The following NENF variants were observed in gnomAD, a reference collection of about 807,000 sequenced individuals.
NENF encodes neudesin.
NENF carries 6 observed loss-of-function variants against 14.8 expected under a neutral mutation model. The observed-to-expected ratio is 0.40, with a 90% CI of 0.22 to 0.80. The LOEUF (loss-of-function observed/expected upper bound fraction) is 0.80, where lower values mean the gene tolerates loss of function less well. Ranked by LOEUF, NENF falls within the 30% of genes least tolerant of loss-of-function variation. The pLI, the probability that NENF is intolerant of heterozygous loss-of-function variation, is 0.34. For missense variants in NENF, 184 were observed against 212.7 expected, an observed-to-expected ratio of 0.87 and a Z score of 0.84; for synonymous variants, 76 against 95.1, an observed-to-expected ratio of 0.80 and a Z score of 1.17.
At chr1:212,434,083 T>G (rs1307965335) in intron 1 of NENF, among the ~76,000 whole-genome samples, 1 of 152,112 alleles carries the variant, frequency 6.6e-6, no homozygotes, top group Non-Finnish European at 1.5e-5. Flanking sequence ...TAGGATTGCA[T>G]GGGGGTATCA....
Position 212,444,426 on chromosome 1 carries a change from A to G in NENF, c.326A>G (p.Asp109Gly), listed in dbSNP as rs768336390. The G allele has an allele frequency of 2.2e-5, 36 of 1,605,564 alleles. No homozygotes were observed. The South Asian group carries it at 3.8e-4, about 17-fold the overall frequency. Residue 109 changes from aspartate (D) to glycine (G), a missense_variant, in exon 3 of 4, where the codon GAC (aspartate) becomes GGC (glycine). Asp to Gly is a moderately conservative substitution (Grantham distance 94). Transcript: ENST00000366988. ...GCCAAGATGTCCTTGGATCCTGCAG[A>G]CCTCACCCATGACACTGTGAGCCAG... Reference protein sequence around the residue: ...GVAKMSLDPADLTHDTTGLTA... With the variant: ...GVAKMSLDPAGLTHDTTGLTA...
chr1:212,438,646 G>T (rs552411252), intron 1 of NENF, among the ~76,000 whole-genome samples: 10 of 142,760 alleles, frequency 7.0e-5, no homozygotes, highest in Admixed American at 7.3e-5. Context: ...TGGAGACAGA[G>T]TCTTGCTCTG....
rs1662546056 is a variant in NENF at position 212,433,126 on chromosome 1, C to A, written c.177+6C>A. 1.7e-6 allele frequency: 2 copies of A among 1,184,850 alleles called. No individual in the cohort carries two copies. Among genetic ancestry groups the A allele is most frequent in the Admixed American group, 4.5e-5 (1 of 22,034 alleles). The allele number at this position is 1,184,850 out of a possible 1,614,324, so 73.4% of individuals were successfully genotyped here. A position where few individuals can be genotyped will look rare whatever the true frequency, so the allele number is the denominator to read the frequency against. ...CCCGCTATGGCGGGGAGGAGGTAGG[C>A]GGGGGTGTCGCGGGCCGAGGGACCC... On this transcript the variant is annotated splice_donor_region_variant and intron_variant, in intron 1 of 3. Transcript: ENST00000366988. The surrounding 1 kb of genome is among the most constrained non-coding windows in gnomAD (Gnocchi z 5.5).
At chr1:212,443,754 G>A (rs1359338444) in intron 2 of NENF, among the ~76,000 whole-genome samples, 1 of 152,016 alleles carries the variant, frequency 6.6e-6, no homozygotes, top group Non-Finnish European at 1.5e-5. Flanking sequence ...AAAACAGAAC[G>A]AGAAGGGGGC....
rs1292152784 is a variant in NENF at position 212,446,132 on chromosome 1, C to T, written c.*126C>T. On this transcript the variant is annotated 3_prime_UTR_variant, in exon 4 of 4. Transcript: ENST00000366988. Reference sequence around the variant, plus strand: ...AGATCTGAATAAAACAGATGCTTACCCTGGAAGAGCAAATGCCTCCTGTTG... The same window carrying T: ...AGATCTGAATAAAACAGATGCTTACTCTGGAAGAGCAAATGCCTCCTGTTG... 5.5e-6 allele frequency: 5 copies of T among 903,960 alleles called. No homozygotes were observed. In the East Asian group the frequency reaches 1.0e-4, roughly 19 times the overall value. The allele number at this position is 903,960 out of a possible 1,614,324, so 56.0% of individuals were successfully genotyped here.
chr1:212,442,648 T>C, intron 2 of NENF, 23 bp downstream of exon 2: 15 of 1,598,618 alleles, frequency 9.4e-6, no homozygotes, highest in Non-Finnish European at 1.3e-5. Context: ...GCATTTTGAA[T>C]CTTCATTTCC....
chr1:212,446,088 T>G lies in NENF; in HGVS notation c.*82T>G. 1 of 1,441,320 alleles carries G rather than the reference T, an allele frequency of 6.9e-7. No homozygotes were observed. Among genetic ancestry groups the G allele is most frequent in the Non-Finnish European group, 9.7e-7 (1 of 1,035,752 alleles). 89.3% of individuals were successfully genotyped at this position (1,441,320 alleles called of 1,614,324 possible). On this transcript the variant is annotated 3_prime_UTR_variant, in exon 4 of 4. Coordinates refer to ENST00000366988, the MANE Select transcript of NENF (RefSeq NM_013349.5). ...TGAATCTCCTGCAAAACTGGCTGCC[T>G]GGAGGCCCTGAGCCACCCAGATCTG...
chr1:212,442,716 A>G, intron 2 of NENF, 91 bp downstream of exon 2: 1 of 870,318 alleles, frequency 1.1e-6, no homozygotes, highest in Non-Finnish European at 2.0e-6. Context: ...GGGAGGGAAC[A>G]TTAGGCAAGT....
At position 212,445,092 on chromosome 1, in the gene NENF, TA is replaced by T. The variant is rs529383751; in HGVS notation, c.342+655del. ...CAGCATGGAGAAACCCCGTCTCTAC[TA>T]AAAATACAAAAATTAGCTGAGTGTG... On this transcript the variant is annotated intron_variant, in intron 3 of 3. Transcript: ENST00000366988. 4.3e-4 allele frequency among the ~76,000 whole-genome samples: 65 copies of T among 152,134 alleles called. No homozygotes were observed. In the East Asian group the frequency reaches 0.012, roughly 28 times the overall value.
chr1:212,445,910 C>T lies in NENF; in HGVS notation c.423C>T (p.Gly141=), dbSNP rs768070052. The T allele has an allele frequency of 6.2e-7, 1 of 1,614,188 alleles. No homozygotes were observed. Among genetic ancestry groups the T allele is most frequent in the Non-Finnish European group, 8.5e-7 (1 of 1,180,032 alleles). ...ACAAAGCCAAATACCCCATCGTCGG[C>T]TACACTGCCCGGAGAATTCTCAATG... ...KVYKAKYPIV[G]YTARRILNED... Residue 141 remains glycine (G), a synonymous_variant, in exon 4 of 4, where the codon GGC becomes GGT. Coordinates refer to ENST00000366988, the MANE Select transcript of NENF (RefSeq NM_013349.5).
Position 212,433,293 on chromosome 1 carries a change from G to A in NENF, c.177+173G>A, listed in dbSNP as rs995248402. The stretch of plus-strand genomic sequence containing the variant: ...TCTCTCTAGGCCCCGAAGGATGGCC[G>A]AGGGGTGAGGACGAGTCCTCAACAG... On this transcript the variant is annotated intron_variant, in intron 1 of 3. Transcript: ENST00000366988. This position sits in a 1 kb window ranked among gnomAD's most constrained non-coding sequence, Gnocchi z 5.5. 5.9e-5 allele frequency among the ~76,000 whole-genome samples: 9 copies of A among 152,122 alleles called. No homozygotes were observed. The East Asian group carries it at 1.8e-3, about 30-fold the overall frequency.
rs1039990858 is a variant in NENF at position 212,446,045 on chromosome 1, C to T, written c.*39C>T. 1 of 1,604,154 alleles carries T rather than the reference C, an allele frequency of 6.2e-7. No individual in the cohort carries two copies. Among genetic ancestry groups the T allele is most frequent in the South Asian group, 1.1e-5 (1 of 90,634 alleles). ...GGAGCAGGTTCTTGGGAGCGTGAGGCAGGAAGACACTAGGTGCTGAATCTC... is the reference window on the plus strand; with the variant it reads ...GGAGCAGGTTCTTGGGAGCGTGAGGTAGGAAGACACTAGGTGCTGAATCTC... On this transcript the variant is annotated 3_prime_UTR_variant, in exon 4 of 4. Transcript: ENST00000366988.
chr1:212,435,852 T>G (rs1183614327), intron 1 of NENF, among the ~76,000 whole-genome samples: 1 of 152,154 alleles, frequency 6.6e-6, no homozygotes. Context: ...GCTCAAAACT[T>G]AATTACTAAT....
intron 1 of NENF, among the ~76,000 whole-genome samples, chr1:212,439,688 C>CAAAAAAA (rs1218927992): frequency 2.3e-4 from 14 of 60,928 alleles, no homozygotes; most frequent in African/African-American, 6.8e-4. Context: ...ACTAAATATA[C>CAAAAAAA]AAAAAAAAAA....
intron 1 of NENF, among the ~76,000 whole-genome samples, chr1:212,437,029 G>T (rs188094338): frequency 6.6e-6 from 1 of 152,128 alleles, no homozygotes; most frequent in African/African-American, 2.4e-5. Flanking sequence ...GCCTGGAATA[G>T]GGCTTAGCAC....
intron 3 of NENF, among the ~76,000 whole-genome samples, chr1:212,444,798 A>G (rs1041624187): frequency 6.6e-6 from 1 of 151,858 alleles, no homozygotes; most frequent in Non-Finnish European, 1.5e-5. Flanking sequence ...AATGCTCCTT[A>G]TGGTCTGTAC....
At chr1:212,438,983 A>G (rs1234812837) in intron 1 of NENF, among the ~76,000 whole-genome samples, 1 of 151,718 alleles carries the variant, frequency 6.6e-6, no homozygotes, top group Non-Finnish European at 1.5e-5. Context: ...CTCAGTTGTC[A>G]TTTCCCAGGC....
At chr1:212,445,751 G>A in intron 3 of NENF, 79 bp from the exon 4 acceptor site, 2 of 1,458,116 alleles carry the variant, frequency 1.4e-6, no homozygotes, top group South Asian at 1.3e-5. Flanking sequence ...GGGAGGCAAG[G>A]CAGGGATGGA....
chr1:212,446,192 C>A lies in NENF; in HGVS notation c.*186C>A, dbSNP rs1662776947. On this transcript the variant is annotated 3_prime_UTR_variant, in exon 4 of 4. Transcript: ENST00000366988. ...AGGGGTTCTGTCTACCTGGGGACCCCTGTCTGCACACCAGGGATCAATAAG... is the reference window on the plus strand; with the variant it reads ...AGGGGTTCTGTCTACCTGGGGACCCATGTCTGCACACCAGGGATCAATAAG... 8.4e-6 allele frequency: 5 copies of A among 598,388 alleles called. No homozygotes were observed. The East Asian group carries it at 1.4e-4, about 17-fold the overall frequency. The allele number at this position is 598,388 out of a possible 1,614,324, so 37.1% of individuals were successfully genotyped here. A position where few individuals can be genotyped will look rare whatever the true frequency, so the allele number is the denominator to read the frequency against.
Sources: gnomAD v4.1 joint callset for allele counts (sites outside exome capture counted in the v4.1 genomes callset) on GRCh38, gnomAD v4.1.1 for gene constraint, Gnocchi (gnomAD v3.1) non-coding constraint, MANE v1.5 for transcripts, NCBI Gene and HGNC (gene_info 2026-07-23, HGNC 2026-07-21) for gene names.